NKAIN2: variants seen among roughly 807,000 people sequenced by gnomAD.
NKAIN2 encodes sodium/potassium-transporting ATPase subunit beta-1-interacting protein 2.
Under a neutral mutation model 32.6 loss-of-function variants are expected in NKAIN2, and 14 were observed. That is an observed-to-expected ratio of 0.43 (90% confidence interval 0.28 to 0.67). The LOEUF is 0.67. Among genes scored for constraint, NKAIN2 ranks in the 30% least tolerant of loss-of-function variants. NKAIN2 has a pLI of 0.17. For missense variants in NKAIN2, 198 were observed against 258.3 expected (o/e 0.77, Z 1.60); for synonymous variants, 80 against 87.2 (o/e 0.92, Z 0.46).
At chr6:124,196,194 A>G (rs1198127542) in intron 1 of NKAIN2, among the ~76,000 whole-genome samples, 1 of 152,134 alleles carries the variant, frequency 6.6e-6, no homozygotes, top group Non-Finnish European at 1.5e-5. Flanking sequence ...AAGACAAAGC[A>G]TTGTCTTGAA....
At chr6:124,091,463 A>G (rs1268626209) in intron 1 of NKAIN2, among the ~76,000 whole-genome samples, 3 of 152,070 alleles carry the variant, frequency 2.0e-5, no homozygotes, top group Admixed American at 1.3e-4. Flanking sequence ...CCTTTGTTGC[A>G]TAATAAGAAA....
At chr6:124,073,121 T>C (rs544439664) in intron 1 of NKAIN2, among the ~76,000 whole-genome samples, 1 of 152,326 alleles carries the variant, frequency 6.6e-6, no homozygotes, top group Admixed American at 6.5e-5. Flanking sequence ...AGTTCAGTGA[T>C]GAACATTGCA....
intron 1 of NKAIN2, among the ~76,000 whole-genome samples, chr6:123,977,648 A>T (rs1778702366): frequency 6.6e-6 from 1 of 152,092 alleles, no homozygotes; most frequent in African/African-American, 2.4e-5. Flanking sequence ...TCTGGCAGTT[A>T]ATTTACTGAA....
chr6:124,815,064 C>A (rs1470656742), intron 5 of NKAIN2, among the ~76,000 whole-genome samples: 1 of 151,632 alleles, frequency 6.6e-6, no homozygotes, highest in Non-Finnish European at 1.5e-5. Flanking sequence ...TAGAGACCAT[C>A]CTACTAAGAG....
intron 1 of NKAIN2, among the ~76,000 whole-genome samples, chr6:123,981,692 G>A (rs1778905097): frequency 6.6e-6 from 1 of 152,286 alleles, no homozygotes; most frequent in East Asian, 1.9e-4. Context: ...CATCACAGGA[G>A]GGTAAAATAT....
intron 1 of NKAIN2, among the ~76,000 whole-genome samples, chr6:124,183,458 T>A (rs948044865): frequency 6.6e-6 from 1 of 152,076 alleles, no homozygotes; most frequent in African/African-American, 2.4e-5. Flanking sequence ...TTGAGCATGT[T>A]AATTACATTT....
chr6:124,063,861 C>A (rs1052814450), intron 1 of NKAIN2, among the ~76,000 whole-genome samples: 9 of 152,002 alleles, frequency 5.9e-5, no homozygotes, highest in African/African-American at 1.7e-4. Flanking sequence ...AATCTTTCAT[C>A]CCTGGCAATA....
intron 3 of NKAIN2, among the ~76,000 whole-genome samples, chr6:124,439,022 G>A (rs578218961): frequency 1.3e-5 from 2 of 152,188 alleles, no homozygotes; most frequent in African/African-American, 4.8e-5. Flanking sequence ...ATCTATTCAA[G>A]TGGTTCCCAA....
intron 1 of NKAIN2, among the ~76,000 whole-genome samples, chr6:124,094,517 A>C (rs1177490410): frequency 6.6e-6 from 1 of 152,178 alleles, no homozygotes; most frequent in African/African-American, 2.4e-5. Flanking sequence ...TTTGTTCTTT[A>C]TTAAGACTAA....
chr6:124,707,169 C>T (rs1246234486), intron 4 of NKAIN2, among the ~76,000 whole-genome samples: 1 of 152,028 alleles, frequency 6.6e-6, no homozygotes, highest in Non-Finnish European at 1.5e-5. Context: ...AGGACATGAA[C>T]TCATCATATT....
chr6:124,319,018 G>T (rs1214421336), intron 2 of NKAIN2, among the ~76,000 whole-genome samples: 1 of 151,988 alleles, frequency 6.6e-6, no homozygotes, highest in Non-Finnish European at 1.5e-5. Flanking sequence ...TTCAGCAGTG[G>T]TGGATTATCC....
intron 1 of NKAIN2, among the ~76,000 whole-genome samples, chr6:124,251,753 C>G (rs903505989): frequency 2.0e-5 from 3 of 151,940 alleles, no homozygotes; most frequent in Non-Finnish European, 2.9e-5. Flanking sequence ...CAAAGGGACC[C>G]TTCAATCTCC....
chr6:124,266,606 A>G (rs533136740), intron 1 of NKAIN2, among the ~76,000 whole-genome samples: 136 of 152,242 alleles, frequency 8.9e-4, no homozygotes, highest in Admixed American at 2.4e-3. Flanking sequence ...TTGCCATGAC[A>G]TTTTACTACT....
chr6:124,517,004 G>A (rs1291664522), intron 3 of NKAIN2, among the ~76,000 whole-genome samples: 1 of 152,098 alleles, frequency 6.6e-6, no homozygotes, highest in Non-Finnish European at 1.5e-5. Context: ...AGGGCATATA[G>A]GATACTATTT....
chr6:123,990,420 A>T (rs916071075), intron 1 of NKAIN2, among the ~76,000 whole-genome samples: 4 of 152,214 alleles, frequency 2.6e-5, no homozygotes, highest in African/African-American at 9.6e-5. Context: ...AGGAAAATAA[A>T]TTGTTGACCT....
At chr6:123,911,786 T>C (rs1022140228) in intron 1 of NKAIN2, among the ~76,000 whole-genome samples, 4 of 99,102 alleles carry the variant, frequency 4.0e-5, no homozygotes, top group Non-Finnish European at 5.4e-5. Flanking sequence ...TACATACATA[T>C]ATATATATAT....
At chr6:124,686,334 G>A (rs1773877424) in intron 4 of NKAIN2, among the ~76,000 whole-genome samples, 1 of 152,292 alleles carries the variant, frequency 6.6e-6, no homozygotes, top group South Asian at 2.1e-4. Context: ...CTGGCTCACA[G>A]TTCCACAGAC....
chr6:124,116,327 A>G (rs1040537983), intron 1 of NKAIN2, among the ~76,000 whole-genome samples: 27 of 152,042 alleles, frequency 1.8e-4, no homozygotes, highest in African/African-American at 6.0e-4. Context: ...CTTCTGGTTT[A>G]TGGGTGAATT....
Position 124,785,405 on chromosome 6 carries a change from G to C in NKAIN2, c.475-5934G>C, listed in dbSNP as rs932520332. Among the ~76,000 whole-genome samples, 18 of 152,226 alleles carry C rather than the reference G, an allele frequency of 1.2e-4. No homozygotes were observed. In the South Asian group the frequency reaches 1.9e-3, roughly 16 times the overall value. ...ATCACCTCTGTGGTTAGGTTACATTGGCTGTCTTTTCATTCAGTTTGAGGC... is the reference window on the plus strand; with the variant it reads ...ATCACCTCTGTGGTTAGGTTACATTCGCTGTCTTTTCATTCAGTTTGAGGC... On this transcript the variant is annotated intron_variant, in intron 4 of 6. Coordinates refer to ENST00000368417, the MANE Select transcript of NKAIN2 (RefSeq NM_001040214.3).
Sources: gnomAD v4.1 joint callset for allele counts (sites outside exome capture counted in the v4.1 genomes callset) on GRCh38, gnomAD v4.1.1 for gene constraint, MANE v1.5 for transcripts, NCBI Gene and HGNC (gene_info 2026-07-23, HGNC 2026-07-21) for gene names.